Variants in RNLS observed in about 807,000 individuals in gnomAD.
The protein encoded by RNLS is renalase.
A neutral mutation model predicts 39.8 loss-of-function variants in RNLS; 39 were observed. The ratio of observed to expected loss-of-function variants is 0.98; its 90% CI spans 0.76 to 1.28. The LOEUF (loss-of-function observed/expected upper bound fraction) is 1.28, where lower values mean the gene tolerates loss of function less well. RNLS is among the 50% of genes most tolerant of loss of function. The pLI is 0.00. For missense variants in RNLS, 410 were observed against 413.3 expected, an observed-to-expected ratio of 0.99 and a Z score of 0.07; for synonymous variants, 147 against 150.7, an observed-to-expected ratio of 0.98 and a Z score of 0.18.
intron 4 of RNLS, among the ~76,000 whole-genome samples, chr10:88,391,536 G>T (rs903902538): frequency 1.3e-5 from 2 of 152,148 alleles, no homozygotes; most frequent in African/African-American, 4.8e-5. Context: ...CCAGCCTGGC[G>T]ACAGAGCGAG....
Position 88,277,437 on chromosome 10 carries a change from C to T in RNLS, c.877-2405G>A, listed in dbSNP as rs1589446342. 2.6e-5 allele frequency among the ~76,000 whole-genome samples: 4 copies of T among 152,138 alleles called. No homozygotes were observed. The South Asian group carries it at 8.3e-4, about 32-fold the overall frequency. ...GCACATGTATACCTATGTAACAAATCTGCACGTTGTGCACAGGTACCCTAG... is the reference window on the plus strand; with the variant it reads ...GCACATGTATACCTATGTAACAAATTTGCACGTTGTGCACAGGTACCCTAG... On this transcript the variant is annotated intron_variant, in intron 6 of 6. Transcript: ENST00000371947.
the RNLS span, among the ~76,000 whole-genome samples, chr10:88,195,620 A>G: frequency 6.6e-6 from 1 of 152,312 alleles, no homozygotes; most frequent in Admixed American, 6.5e-5. Flanking sequence ...GAGTGGGAGC[A>G]AGAGGGTACC....
At chr10:88,529,231 G>T (rs771291264) in intron 4 of RNLS, among the ~76,000 whole-genome samples, 1 of 152,106 alleles carries the variant, frequency 6.6e-6, no homozygotes, top group African/African-American at 2.4e-5. Context: ...AAAATCCAGC[G>T]TCTTCCTCTA....
At chr10:88,522,282 C>CA (rs1290815874) in intron 4 of RNLS, among the ~76,000 whole-genome samples, 1 of 151,936 alleles carries the variant, frequency 6.6e-6, no homozygotes, top group African/African-American at 2.4e-5. Flanking sequence ...GTTGGATGTG[C>CA]AAAAATTTAA....
intron 3 of RNLS, among the ~76,000 whole-genome samples, chr10:88,574,381 A>C (rs1171732102): frequency 6.6e-6 from 1 of 152,176 alleles, no homozygotes; most frequent in Admixed American, 6.5e-5. Context: ...AAATCCAGCT[A>C]AAGTTCATCC....
intron 4 of RNLS, among the ~76,000 whole-genome samples, chr10:88,397,809 G>A (rs1027326818): frequency 2.6e-5 from 4 of 151,812 alleles, no homozygotes; most frequent in African/African-American, 9.7e-5. Flanking sequence ...AAAAGTGAAG[G>A]ACTCACACTT....
At chr10:88,343,396 A>T in intron 5 of RNLS, 2 of 343,476 alleles carry the variant, frequency 5.8e-6, no homozygotes, top group Non-Finnish European at 8.2e-6. Context: ...CAAAAAAGCT[A>T]GGAGATTGGT....
chr10:88,551,750 G>A (rs1198569725), intron 4 of RNLS, among the ~76,000 whole-genome samples: 1 of 151,482 alleles, frequency 6.6e-6, no homozygotes, highest in Non-Finnish European at 1.5e-5. Context: ...GGGTAGTTTT[G>A]CAGGGTTAGA....
the RNLS span, among the ~76,000 whole-genome samples, chr10:88,215,410 C>T: frequency 5.3e-5 from 8 of 152,204 alleles, no homozygotes; most frequent in South Asian, 1.7e-3. Context: ...CCAAATCTGT[C>T]TAATTTCAAA....
chr10:88,356,697 TTTC>T (rs1849216357), intron 5 of RNLS, among the ~76,000 whole-genome samples: 1 of 152,266 alleles, frequency 6.6e-6, no homozygotes, highest in African/African-American at 2.4e-5. Context: ...TTCATTTGCT[TTTC>T]TTCTTTTAAG....
chr10:88,517,453 T>C (rs1020769130), intron 4 of RNLS, among the ~76,000 whole-genome samples: 3 of 151,946 alleles, frequency 2.0e-5, no homozygotes, highest in Non-Finnish European at 4.4e-5. Context: ...AAATTTTAAA[T>C]GGTTTGAATG....
chr10:88,526,472 T>C (rs1383888772), intron 4 of RNLS, among the ~76,000 whole-genome samples: 1 of 151,752 alleles, frequency 6.6e-6, no homozygotes, highest in Non-Finnish European at 1.5e-5. Flanking sequence ...CAACAAAATT[T>C]TGGAAGCTGG....
At position 88,288,095 on chromosome 10, in the gene RNLS, C is replaced by T. The variant is rs188407063; in HGVS notation, c.877-2589G>A. ...ATCATTAATGTTCACCATGATGGCCCCAGCTTTCAAGAAGCAATTCTAATA... is the reference window on the plus strand; with the variant it reads ...ATCATTAATGTTCACCATGATGGCCTCAGCTTTCAAGAAGCAATTCTAATA... On this transcript the variant is annotated intron_variant, in intron 6 of 6. Transcript: ENST00000331772. Among the ~76,000 whole-genome samples, 287 of 152,178 alleles carry T rather than the reference C, an allele frequency of 1.9e-3. 2 individuals are homozygous for T. The highest frequency in any genetic ancestry group is 6.3e-3 in the African/African-American group (262 of 41,512).
At chr10:88,572,801 G>C in intron 4 of RNLS, 102 bp downstream of exon 4, 1 of 1,180,520 alleles carries the variant, frequency 8.5e-7, no homozygotes, top group Non-Finnish European at 1.2e-6. Context: ...CAAATCAATA[G>C]AGTCTATCAC....
the RNLS span, among the ~76,000 whole-genome samples, chr10:88,193,228 C>T: frequency 6.6e-6 from 1 of 152,124 alleles, no homozygotes; most frequent in Non-Finnish European, 1.5e-5. Context: ...GGGAAAGGTG[C>T]AGCTAGACCC....
At chr10:88,507,993 T>C (rs1456594578) in intron 4 of RNLS, among the ~76,000 whole-genome samples, 1 of 152,146 alleles carries the variant, frequency 6.6e-6, no homozygotes, top group Non-Finnish European at 1.5e-5. Flanking sequence ...AGTTAGCAGT[T>C]GCAGCTGCAA....
At chr10:88,535,286 T>C (rs919306986) in intron 4 of RNLS, among the ~76,000 whole-genome samples, 21 of 152,066 alleles carry the variant, frequency 1.4e-4, no homozygotes, top group African/African-American at 4.3e-4. Flanking sequence ...TAAGTGAGTA[T>C]GTGTGGTGAG....
intron 4 of RNLS, among the ~76,000 whole-genome samples, chr10:88,457,203 T>C (rs1048092185): frequency 2.6e-5 from 4 of 152,212 alleles, no homozygotes; most frequent in African/African-American, 9.6e-5. Flanking sequence ...TTTACCCCAT[T>C]TACTCTGTTG....
chr10:88,308,717 C>A (rs537746370), intron 6 of RNLS, among the ~76,000 whole-genome samples: 1 of 152,100 alleles, frequency 6.6e-6, no homozygotes, highest in Non-Finnish European at 1.5e-5. Flanking sequence ...TGTGGCGATT[C>A]CTTAAAGACC....
Sources: gnomAD v4.1 joint callset for allele counts (sites outside exome capture counted in the v4.1 genomes callset) on GRCh38, gnomAD v4.1.1 for gene constraint, MANE v1.5 for transcripts, NCBI Gene and HGNC (gene_info 2026-07-23, HGNC 2026-07-21) for gene names.